Variants in CNTNAP2 observed in about 807,000 individuals in gnomAD.
CNTNAP2 encodes contactin-associated protein-like 2.
In CNTNAP2, 98 loss-of-function variants were observed where a neutral mutation model predicts 155.2. The observed-to-expected ratio is 0.63, with a 90% CI of 0.54 to 0.75. The LOEUF is 0.75. Among genes scored for constraint, CNTNAP2 ranks in the 30% least tolerant of loss-of-function variants. CNTNAP2 has a pLI of 0.00. For missense variants in CNTNAP2, 1,727 were observed against 1,688.1 expected (o/e 1.02, Z -0.40); for synonymous variants, 651 against 631.2 (o/e 1.03, Z -0.47).
intron 9 of CNTNAP2, among the ~76,000 whole-genome samples, chr7:147,383,412 AG>A (rs1796572418): frequency 6.6e-6 from 1 of 152,222 alleles, no homozygotes. Context: ...GTTTTAGATA[AG>A]TAAGGTGGTG....
At chr7:146,764,726 A>G (rs1394441966) in intron 1 of CNTNAP2, among the ~76,000 whole-genome samples, 1 of 152,116 alleles carries the variant, frequency 6.6e-6, no homozygotes, top group African/African-American at 2.4e-5. Context: ...TTGATTTACA[A>G]CCAAGATTTC....
intron 1 of CNTNAP2, among the ~76,000 whole-genome samples, chr7:146,191,881 G>A (rs914820319): frequency 2.0e-5 from 3 of 151,944 alleles, no homozygotes; most frequent in Non-Finnish European, 2.9e-5. Context: ...CATGCTTTAC[G>A]AACAATTTGT....
chr7:147,828,776 C>G (rs1381957285), intron 13 of CNTNAP2, among the ~76,000 whole-genome samples: 1 of 152,084 alleles, frequency 6.6e-6, no homozygotes, highest in Non-Finnish European at 1.5e-5. Flanking sequence ...CTTAAATGTC[C>G]TAGTTTCTCT....
intron 1 of CNTNAP2, among the ~76,000 whole-genome samples, chr7:146,532,302 A>G (rs762471522): frequency 4.6e-5 from 7 of 152,322 alleles, no homozygotes; most frequent in African/African-American, 1.7e-4. Context: ...AGGGATTTCA[A>G]TAAATTCCAT....
At chr7:148,077,681 A>G (rs1585113745) in intron 15 of CNTNAP2, among the ~76,000 whole-genome samples, 2 of 152,248 alleles carry the variant, frequency 1.3e-5, no homozygotes, top group Non-Finnish European at 2.9e-5. Context: ...AGGCAGTACA[A>G]TTACACATTT....
At chr7:148,283,320 G>T (rs558223468) in intron 21 of CNTNAP2, among the ~76,000 whole-genome samples, 4 of 114,754 alleles carry the variant, frequency 3.5e-5, no homozygotes, top group African/African-American at 8.0e-5. Context: ...AGGAAGGAAG[G>T]AAAGAAAGAA....
At chr7:148,028,706 C>T (rs1007822579) in intron 15 of CNTNAP2, among the ~76,000 whole-genome samples, 1 of 152,176 alleles carries the variant, frequency 6.6e-6, no homozygotes, top group Non-Finnish European at 1.5e-5. Context: ...AAGAATCAGG[C>T]TTAGCCTTCA....
At chr7:148,208,980 T>A (rs1795498971) in intron 18 of CNTNAP2, among the ~76,000 whole-genome samples, 1 of 151,970 alleles carries the variant, frequency 6.6e-6, no homozygotes, top group South Asian at 2.1e-4. Flanking sequence ...TTCACACACT[T>A]CTCCCAGGGA....
At chr7:147,801,981 G>C (rs1403060458) in intron 13 of CNTNAP2, among the ~76,000 whole-genome samples, 1 of 151,664 alleles carries the variant, frequency 6.6e-6, no homozygotes, top group Non-Finnish European at 1.5e-5. Flanking sequence ...CTCCCGGACG[G>C]GGTGGCTGCC....
At chr7:147,881,092 G>A (rs1228644265) in intron 13 of CNTNAP2, among the ~76,000 whole-genome samples, 2 of 152,108 alleles carry the variant, frequency 1.3e-5, no homozygotes, top group Admixed American at 6.5e-5. Flanking sequence ...AGAATGGTGA[G>A]GCATTTCTCT....
Position 147,340,080 on chromosome 7 carries a change from T to C in CNTNAP2, c.1498+39790T>C, listed in dbSNP as rs113353690. Among the ~76,000 whole-genome samples, 259 of 152,298 alleles carry C rather than the reference T, an allele frequency of 1.7e-3. 3 individuals are homozygous for C. Among genetic ancestry groups the C allele is most frequent in the African/African-American group, 6.0e-3 (248 of 41,560 alleles). On this transcript the variant is annotated intron_variant, in intron 9 of 23. Coordinates refer to ENST00000361727, the MANE Select transcript of CNTNAP2 (RefSeq NM_014141.6). ...ACCCTTTCTGTTTCGCTTTGGCTAA[T>C]AGATCCTTTTCTAGCCTGCATTTAC...
intron 1 of CNTNAP2, among the ~76,000 whole-genome samples, chr7:146,256,974 G>A (rs986554209): frequency 1.3e-5 from 2 of 152,158 alleles, no homozygotes; most frequent in Admixed American, 1.3e-4. Context: ...TTAATAACCG[G>A]AAAACAATTA....
intron 13 of CNTNAP2, among the ~76,000 whole-genome samples, chr7:147,732,893 C>A (rs1366465015): frequency 6.6e-6 from 1 of 152,096 alleles, no homozygotes; most frequent in South Asian, 2.1e-4. Context: ...TTGTTGTTTT[C>A]TTGTAAATTT....
intron 1 of CNTNAP2, among the ~76,000 whole-genome samples, chr7:146,351,002 G>T (rs1031514492): frequency 2.8e-5 from 4 of 142,298 alleles, no homozygotes; most frequent in Non-Finnish European, 4.5e-5. Context: ...ACACAGGAAG[G>T]GGAGCATCAC....
intron 15 of CNTNAP2, among the ~76,000 whole-genome samples, chr7:148,069,133 T>C (rs979974243): frequency 2.0e-5 from 3 of 152,200 alleles, no homozygotes; most frequent in Non-Finnish European, 4.4e-5. Flanking sequence ...TCTATGACTG[T>C]TTTATATATT....
intron 1 of CNTNAP2, among the ~76,000 whole-genome samples, chr7:146,347,738 G>A (rs1480729593): frequency 6.6e-6 from 1 of 151,998 alleles, no homozygotes; most frequent in African/African-American, 2.4e-5. Context: ...GCTAATTTTT[G>A]TATTTTTAGT....
chr7:146,273,484 A>T (rs1563017103), intron 1 of CNTNAP2, among the ~76,000 whole-genome samples: 1 of 152,148 alleles, frequency 6.6e-6, no homozygotes, highest in Admixed American at 6.6e-5. Context: ...TGTAACACAA[A>T]ATCAGCCATG....
At chr7:147,366,618 A>G (rs1418837475) in intron 9 of CNTNAP2, among the ~76,000 whole-genome samples, 1 of 152,100 alleles carries the variant, frequency 6.6e-6, no homozygotes, top group Non-Finnish European at 1.5e-5. Context: ...GTATAAGTAA[A>G]ACAATAAATT....
chr7:147,234,921 T>A (rs1020085785), intron 8 of CNTNAP2, among the ~76,000 whole-genome samples: 20 of 152,170 alleles, frequency 1.3e-4, no homozygotes, highest in Non-Finnish European at 1.9e-4. Flanking sequence ...CCCATTATTG[T>A]GATTATTTGA....
Sources: gnomAD v4.1 joint callset for allele counts (sites outside exome capture counted in the v4.1 genomes callset) on GRCh38, gnomAD v4.1.1 for gene constraint, MANE v1.5 for transcripts, NCBI Gene and HGNC (gene_info 2026-07-23, HGNC 2026-07-21) for gene names.